DLC1: variants seen among roughly 807,000 people sequenced by gnomAD.
DLC1 encodes DLC1 Rho GTPase activating protein.
DLC1 carries 54 observed loss-of-function variants against 140.3 expected under a neutral mutation model. The ratio of observed to expected loss-of-function variants is 0.38; its 90% CI spans 0.31 to 0.48. DLC1 has a LOEUF of 0.48. Among genes scored for constraint, DLC1 ranks in the 20% least tolerant of loss-of-function variants. The pLI, the probability that DLC1 is intolerant of heterozygous loss-of-function variation, is 0.96. For synonymous variants in DLC1, 986 were observed against 728.1 expected (o/e 1.35, Z -5.70); for missense variants, 2,536 against 1,907.0 (o/e 1.33, Z -6.14).
chr8:13,412,257 T>G (rs1837812358), intron 2 of DLC1, among the ~76,000 whole-genome samples: 1 of 152,196 alleles, frequency 6.6e-6, no homozygotes, highest in Non-Finnish European at 1.5e-5. Context: ...AATATTTTTT[T>G]CATAAAAAAG....
intron 2 of DLC1, among the ~76,000 whole-genome samples, chr8:13,424,925 A>T (rs966760790): frequency 1.3e-5 from 2 of 152,174 alleles, no homozygotes; most frequent in Admixed American, 6.5e-5. Context: ...TTAGTACATA[A>T]TGTACCAATG....
chr8:13,099,452 C>G lies in DLC1; in HGVS notation c.2885G>C (p.Ser962Thr), dbSNP rs201102622. The G allele has an allele frequency of 4.3e-6, 7 of 1,614,148 alleles. No homozygotes were observed. The highest frequency in any genetic ancestry group is 5.9e-6 in the Non-Finnish European group (7 of 1,180,028). Residue 962 changes from serine (S) to threonine (T), a missense_variant, in exon 9 of 18, where the codon AGC becomes ACC. Coordinates refer to ENST00000276297, the MANE Select transcript of DLC1 (RefSeq NM_182643.3). ...GGAGTTGCCTGTGCTGTCCAGGTCG[C>G]TGGGTGTGGTTCGGTCGTTGTCCAC... ...LDVDNDRTTP[S>T]DLDSTGNSLN...
At chr8:13,360,308 A>G (rs1835161479) in intron 4 of DLC1, among the ~76,000 whole-genome samples, 1 of 152,238 alleles carries the variant, frequency 6.6e-6, no homozygotes, top group Non-Finnish European at 1.5e-5. Context: ...GAGAAATTTA[A>G]TATCTACCAC....
At chr8:13,087,643 GC>G (rs1410275457) in intron 16 of DLC1, among the ~76,000 whole-genome samples, 1 of 152,208 alleles carries the variant, frequency 6.6e-6, no homozygotes, top group Non-Finnish European at 1.5e-5. Context: ...TGAAAAAAGA[GC>G]CCATTTGAAG....
intron 2 of DLC1, among the ~76,000 whole-genome samples, chr8:13,458,289 A>T (rs1234178817): frequency 6.6e-6 from 1 of 152,222 alleles, no homozygotes; most frequent in Non-Finnish European, 1.5e-5. Context: ...ATAATTTTAG[A>T]GTTGGAAGAA....
At chr8:13,220,550 T>G (rs929087271) in intron 5 of DLC1, among the ~76,000 whole-genome samples, 1 of 152,194 alleles carries the variant, frequency 6.6e-6, no homozygotes, top group African/African-American at 2.4e-5. Flanking sequence ...AGTAGAACAT[T>G]ATATTCTTGA....
At chr8:13,463,155 G>A (rs980171675) in intron 2 of DLC1, among the ~76,000 whole-genome samples, 6 of 151,534 alleles carry the variant, frequency 4.0e-5, no homozygotes, top group South Asian at 2.1e-4. Flanking sequence ...TCTGGTTGCC[G>A]GCATTTAGGG....
At chr8:13,240,031 C>T (rs1425619181) in intron 5 of DLC1, among the ~76,000 whole-genome samples, 10 of 152,278 alleles carry the variant, frequency 6.6e-5, no homozygotes, top group Admixed American at 2.0e-4. Flanking sequence ...AAATAATCTT[C>T]ATCTTCAAAT....
intron 2 of DLC1, among the ~76,000 whole-genome samples, chr8:13,496,846 G>T (rs1801537844): frequency 1.5e-5 from 2 of 131,232 alleles, no homozygotes; most frequent in Non-Finnish European, 3.1e-5. Flanking sequence ...TGTCACCCAG[G>T]CTGGAGTGCA....
intron 5 of DLC1, among the ~76,000 whole-genome samples, chr8:13,270,019 T>C (rs1830865595): frequency 6.8e-6 from 1 of 146,494 alleles, no homozygotes; most frequent in African/African-American, 2.5e-5. Context: ...ATCGTGCCAC[T>C]GCACTCCAGC....
At position 13,315,629 on chromosome 8, in the gene DLC1, A is replaced by G. The variant is rs146127424; in HGVS notation, c.1315-10327T>C. On this transcript the variant is annotated intron_variant, in intron 4 of 17. Transcript: ENST00000276297. ...TCTCTCCTTAAATCACAGGAGCCCA[A>G]CTCAATTTCTTCTATTCCATTGATG... Among the ~76,000 whole-genome samples, 22 of 152,258 alleles carry G rather than the reference A, an allele frequency of 1.4e-4. No individual in the cohort carries two copies. In the East Asian group the frequency reaches 4.1e-3, roughly 28 times the overall value.
At chr8:13,556,589 T>A (rs148267732) in intron 1 of DLC1, among the ~76,000 whole-genome samples, 228 of 152,248 alleles carry the variant, frequency 1.5e-3, no homozygotes, top group African/African-American at 5.3e-3. Flanking sequence ...GCAGAGGTCA[T>A]AAGCATGGAC....
chr8:13,098,797 G>A (rs1444617843), intron 9 of DLC1, among the ~76,000 whole-genome samples: 1 of 151,948 alleles, frequency 6.6e-6, no homozygotes, highest in Non-Finnish European at 1.5e-5. Context: ...TTAATTTTTT[G>A]TAGAGATAGA....
intron 1 of DLC1, among the ~76,000 whole-genome samples, chr8:13,554,523 C>G (rs532358519): frequency 6.6e-6 from 1 of 152,290 alleles, no homozygotes; most frequent in Non-Finnish European, 1.5e-5. Flanking sequence ...GGTTTTCCCT[C>G]CAACTGTTTT....
intron 5 of DLC1, among the ~76,000 whole-genome samples, chr8:13,260,901 G>A (rs1830446940): frequency 6.6e-6 from 1 of 152,092 alleles, no homozygotes; most frequent in Non-Finnish European, 1.5e-5. Flanking sequence ...CTTTTAGTTG[G>A]TTCTCTAGAA....
At chr8:13,331,224 T>A (rs1833574036) in intron 4 of DLC1, among the ~76,000 whole-genome samples, 1 of 152,230 alleles carries the variant, frequency 6.6e-6, no homozygotes, top group African/African-American at 2.4e-5. Context: ...TTAATTTTTG[T>A]TATTTTGTAA....
chr8:13,401,416 A>G, intron 3 of DLC1, 54 bp downstream of exon 3: 1 of 1,595,840 alleles, frequency 6.3e-7, no homozygotes, highest in Non-Finnish European at 8.5e-7. Flanking sequence ...GGGACTGTAT[A>G]AGGTCAAGAG....
At chr8:13,417,944 T>G (rs1236097021) in intron 2 of DLC1, among the ~76,000 whole-genome samples, 2 of 152,238 alleles carry the variant, frequency 1.3e-5, no homozygotes, top group Non-Finnish European at 1.5e-5. Flanking sequence ...TGGTTTTGAT[T>G]TGCATTTCTC....
intron 5 of DLC1, among the ~76,000 whole-genome samples, chr8:13,299,298 A>T (rs576362987): frequency 3.3e-5 from 5 of 151,770 alleles, no homozygotes; most frequent in African/African-American, 1.2e-4. Context: ...TAAAAAAAAA[A>T]TTAGCCAGGT....
Sources: gnomAD v4.1 joint callset for allele counts (sites outside exome capture counted in the v4.1 genomes callset) on GRCh38, gnomAD v4.1.1 for gene constraint, MANE v1.5 for transcripts, NCBI Gene and HGNC (gene_info 2026-07-23, HGNC 2026-07-21) for gene names.